Variants in SUMF1 observed in about 807,000 individuals in gnomAD.
SUMF1 encodes sulfatase modifying factor 1.
Under a neutral mutation model 47.6 loss-of-function variants are expected in SUMF1, and 48 were observed. The ratio of observed to expected loss-of-function variants is 1.01; its 90% CI spans 0.80 to 1.28. The LOEUF is 1.28. Ranked by LOEUF, SUMF1 falls within the 50% of genes most tolerant of loss-of-function variation. The pLI is 0.00. For synonymous variants in SUMF1, 230 were observed against 192.1 expected (o/e 1.20, Z -1.63); for missense variants, 571 against 485.4 (o/e 1.18, Z -1.66).
intron 9 of SUMF1, among the ~76,000 whole-genome samples, chr3:4,046,121 G>C (rs889690549): frequency 6.6e-6 from 1 of 152,106 alleles, no homozygotes; most frequent in South Asian, 2.1e-4. Flanking sequence ...CTGAACTCAG[G>C]GGGAGAAAGG....
intron 7 of SUMF1, among the ~76,000 whole-genome samples, chr3:4,380,272 C>T (rs990747359): frequency 3.9e-5 from 6 of 152,224 alleles, no homozygotes; most frequent in Non-Finnish European, 8.8e-5. Flanking sequence ...TTTGCAGCAA[C>T]ATGAATGGTG....
chr3:4,041,130 T>C (rs559341804), intron 9 of SUMF1, among the ~76,000 whole-genome samples: 1 of 152,198 alleles, frequency 6.6e-6, no homozygotes, highest in Non-Finnish European at 1.5e-5. Flanking sequence ...TGGAATGCAG[T>C]GGTGCGATCT....
chr3:4,441,283 T>C (rs58070279), intron 3 of SUMF1, among the ~76,000 whole-genome samples: 53,020 of 152,070 alleles, frequency 0.35, 9,727 homozygotes, highest in Middle Eastern at 0.45. Flanking sequence ...TAATGCCTGA[T>C]GATCTCTCAC....
intron 8 of SUMF1, among the ~76,000 whole-genome samples, chr3:4,314,641 A>C (rs1480684437): frequency 1.3e-5 from 2 of 152,292 alleles, no homozygotes; most frequent in East Asian, 3.9e-4. Context: ...AAACAGCCTC[A>C]CTTCATGTAT....
At chr3:4,074,897 C>A (rs377558741) in intron 8 of SUMF1, among the ~76,000 whole-genome samples, 1 of 152,032 alleles carries the variant, frequency 6.6e-6, no homozygotes, top group African/African-American at 2.4e-5. Context: ...GGATTCAGAA[C>A]CAAATTCCAC....
chr3:4,310,361 A>T (rs1023114299), intron 8 of SUMF1, among the ~76,000 whole-genome samples: 3 of 152,238 alleles, frequency 2.0e-5, no homozygotes, highest in Non-Finnish European at 2.9e-5. Flanking sequence ...TCAAAAGATT[A>T]TTCTTGAGTG....
chr3:4,392,623 A>G (rs1376256658), intron 7 of SUMF1, among the ~76,000 whole-genome samples: 20 of 91,810 alleles, frequency 2.2e-4, no homozygotes, highest in African/African-American at 3.3e-4. Context: ...GTGTATATAT[A>G]TATATATATA....
chr3:4,446,620 G>A (rs1007991814), intron 3 of SUMF1, among the ~76,000 whole-genome samples: 8 of 152,158 alleles, frequency 5.3e-5, no homozygotes, highest in African/African-American at 1.4e-4. Context: ...GTGCCTCATG[G>A]GGAAAGAACC....
At position 4,058,868 on chromosome 3, in the gene SUMF1, T is replaced by C. The variant is rs975208586; in HGVS notation, c.1191+9701A>G. ...AGTCAGGCTTAGTTAATAGCTTTTA[T>C]AGTGCATTTAATTTTCAATTTGTGA... is the stretch of plus-strand genomic sequence containing the variant. On this transcript the variant is annotated intron_variant and NMD_transcript_variant, in intron 9 of 12. Transcript: ENST00000448413. Among the ~76,000 whole-genome samples the C allele has an allele frequency of 3.9e-5, 6 of 152,164 alleles. No homozygotes were observed. The East Asian group carries it at 9.6e-4, about 24-fold the overall frequency.
intron 8 of SUMF1, among the ~76,000 whole-genome samples, chr3:4,090,177 C>G (rs947382516): frequency 6.6e-6 from 1 of 152,000 alleles, no homozygotes; most frequent in Non-Finnish European, 1.5e-5. Context: ...CACAGCAGGT[C>G]CTCGAATAAT....
intron 8 of SUMF1, among the ~76,000 whole-genome samples, chr3:4,287,195 A>G (rs1283933197): frequency 1.3e-5 from 2 of 152,162 alleles, no homozygotes; most frequent in African/African-American, 4.8e-5. Context: ...GAACAACACA[A>G]TGCAAAGCTT....
chr3:4,267,933 A>C (rs1319092030), intron 8 of SUMF1, among the ~76,000 whole-genome samples: 1 of 151,224 alleles, frequency 6.6e-6, no homozygotes, highest in African/African-American at 2.4e-5. Context: ...AGACACATGC[A>C]CACGTATGTT....
intron 8 of SUMF1, among the ~76,000 whole-genome samples, chr3:4,369,082 C>G (rs1472028828): frequency 2.0e-5 from 3 of 150,734 alleles, no homozygotes; most frequent in Non-Finnish European, 4.4e-5. Flanking sequence ...TCTTTTCTCT[C>G]AGAAAAGTAA....
At chr3:4,363,116 A>G (rs1699823477) in intron 8 of SUMF1, among the ~76,000 whole-genome samples, 1 of 152,206 alleles carries the variant, frequency 6.6e-6, no homozygotes, top group Non-Finnish European at 1.5e-5. Flanking sequence ...ATTCCAATAC[A>G]ATAAGAATAT....
At chr3:4,437,270 G>A (rs977207950) in intron 3 of SUMF1, among the ~76,000 whole-genome samples, 1 of 152,196 alleles carries the variant, frequency 6.6e-6, no homozygotes, top group African/African-American at 2.4e-5. Context: ...GTTGGATAAC[G>A]ATGACTAGAG....
intron 3 of SUMF1, among the ~76,000 whole-genome samples, chr3:4,422,646 G>A (rs941211471): frequency 2.0e-5 from 3 of 151,944 alleles, no homozygotes; most frequent in Admixed American, 6.6e-5. Context: ...CATTTCTGCC[G>A]ACAGTACATG....
At chr3:4,298,238 A>G (rs559274429) in intron 8 of SUMF1, among the ~76,000 whole-genome samples, 1 of 152,332 alleles carries the variant, frequency 6.6e-6, no homozygotes, top group Non-Finnish European at 1.5e-5. Context: ...CTGAAGATCA[A>G]GGTTCCTGGT....
At chr3:4,088,002 G>A (rs1692706503) in intron 8 of SUMF1, among the ~76,000 whole-genome samples, 1 of 152,124 alleles carries the variant, frequency 6.6e-6, no homozygotes, top group East Asian at 1.9e-4. Flanking sequence ...TTGATTCTAA[G>A]AAGGTGTAAT....
chr3:4,441,500 G>A (rs531590934), intron 3 of SUMF1, among the ~76,000 whole-genome samples: 1 of 152,224 alleles, frequency 6.6e-6, no homozygotes, highest in African/African-American at 2.4e-5. Flanking sequence ...AGGAAAAACT[G>A]TCTTCCACAA....
Sources: gnomAD v4.1 joint callset for allele counts (sites outside exome capture counted in the v4.1 genomes callset) on GRCh38, gnomAD v4.1.1 for gene constraint, MANE v1.5 for transcripts, NCBI Gene and HGNC (gene_info 2026-07-23, HGNC 2026-07-21) for gene names.